KAZN: variants seen among roughly 807,000 people sequenced by gnomAD.
KAZN encodes the protein kazrin, periplakin interacting protein, also known as kazrin.
In KAZN, 40 loss-of-function variants were observed where a neutral mutation model predicts 87.4. The ratio of observed to expected loss-of-function variants is 0.46; its 90% CI spans 0.36 to 0.60. KAZN has a LOEUF of 0.60. Ranked by LOEUF, KAZN falls within the 20% of genes least tolerant of loss-of-function variation. The pLI is 0.00. For synonymous variants in KAZN, 466 were observed against 458.3 expected, an observed-to-expected ratio of 1.02 and a Z score of -0.22; for missense variants, 898 against 1,073.9, an observed-to-expected ratio of 0.84 and a Z score of 2.29.
intron 2 of KAZN, among the ~76,000 whole-genome samples, chr1:14,466,634 A>G (rs1411488891): frequency 6.7e-6 from 1 of 149,610 alleles, no homozygotes; most frequent in Non-Finnish European, 1.5e-5. Context: ...CATCCTGCAC[A>G]TGTACCCCAA....
intron 1 of KAZN, among the ~76,000 whole-genome samples, chr1:14,878,669 C>T (rs985253813): frequency 3.3e-5 from 5 of 152,176 alleles, no homozygotes; most frequent in Non-Finnish European, 7.3e-5. Flanking sequence ...AAAGGACATT[C>T]GGCCCTCAGC....
chr1:14,934,409 C>T (rs1660211801), intron 1 of KAZN, among the ~76,000 whole-genome samples: 1 of 151,066 alleles, frequency 6.6e-6, no homozygotes, highest in African/African-American at 2.4e-5. Flanking sequence ...GTTTCACCAT[C>T]TTGGCCAGAC....
intron 2 of KAZN, among the ~76,000 whole-genome samples, chr1:15,007,613 C>G (rs956515898): frequency 6.6e-6 from 1 of 152,188 alleles, no homozygotes; most frequent in African/African-American, 2.4e-5. Context: ...CCAGCCGACC[C>G]GTTGGGTAGT....
At chr1:15,035,857 G>A (rs900827299) in intron 3 of KAZN, among the ~76,000 whole-genome samples, 1 of 152,022 alleles carries the variant, frequency 6.6e-6, no homozygotes, top group Non-Finnish European at 1.5e-5. Context: ...CCCTGCGTAG[G>A]CACCTTGGTC....
chr1:15,095,955 T>C (rs2100689538), intron 10 of KAZN, among the ~76,000 whole-genome samples: 1 of 152,284 alleles, frequency 6.6e-6, no homozygotes, highest in East Asian at 1.9e-4. Flanking sequence ...CCAGGCCTCA[T>C]TGGCACCATC....
chr1:14,955,416 T>C (rs1244435106), intron 1 of KAZN, among the ~76,000 whole-genome samples: 3 of 152,218 alleles, frequency 2.0e-5, no homozygotes, highest in Non-Finnish European at 4.4e-5. Flanking sequence ...GAGCTTAGGC[T>C]GAGATTGCAG....
intron 13 of KAZN, among the ~76,000 whole-genome samples, chr1:15,110,888 CTTAT>C (rs1352808002): frequency 6.6e-6 from 1 of 152,354 alleles, no homozygotes; most frequent in East Asian, 1.9e-4. Flanking sequence ...CTCTCCCAGG[CTTAT>C]TTGACTGCTA....
intron 2 of KAZN, among the ~76,000 whole-genome samples, chr1:14,576,694 TTAGGCTCTGTCTAGACACCTCTCTAAA>T (rs1675208024): frequency 6.6e-6 from 1 of 152,234 alleles, no homozygotes; most frequent in African/African-American, 2.4e-5. Flanking sequence ...AGTTCCTATT[TTAGGCTCTGTCTAGACACCTCTCTAAA>T]TAGGAACTTT....
intron 2 of KAZN, among the ~76,000 whole-genome samples, chr1:15,015,921 G>A (rs963823091): frequency 6.6e-6 from 1 of 152,152 alleles, no homozygotes; most frequent in Non-Finnish European, 1.5e-5. Flanking sequence ...GTGATCGGAG[G>A]GCAGGGCGCC....
intron 2 of KAZN, among the ~76,000 whole-genome samples, chr1:14,993,674 T>C (rs1667582407): frequency 6.6e-6 from 1 of 152,118 alleles, no homozygotes; most frequent in African/African-American, 2.4e-5. Flanking sequence ...CCCTGGAGGC[T>C]TCACCCTGAG....
chr1:14,544,798 G>A (rs1673040408), intron 2 of KAZN, among the ~76,000 whole-genome samples: 1 of 151,368 alleles, frequency 6.6e-6, no homozygotes, highest in African/African-American at 2.4e-5. Flanking sequence ...TCAAACTCCT[G>A]GGCTTGAGTG....
chr1:15,049,099 GCC>G lies in KAZN; in HGVS notation c.726+4941_726+4942del, dbSNP rs386628767. On this transcript the variant is annotated intron_variant, in intron 4 of 14. Coordinates refer to ENST00000376030, the MANE Select transcript of KAZN (RefSeq NM_201628.3). ...CTGTACTCCATGGGGTGACGGCTTT[GCC>G]GGGAGGCTTTTGACGGGAGTCCAGC... is the stretch of plus-strand genomic sequence containing the variant. Among the ~76,000 whole-genome samples, 399 of 128,294 alleles carry G rather than the reference GCC, an allele frequency of 3.1e-3. 1 individual carries two copies. Among genetic ancestry groups the G allele is most frequent in the African/African-American group, 0.013 (358 of 27,898 alleles). The allele number at this position is 128,294 out of a possible 152,430, so 84.2% of individuals were successfully genotyped here. A position where few individuals can be genotyped will look rare whatever the true frequency, so the allele number is the denominator to read the frequency against.
At chr1:13,896,705 G>C (rs1396692394) in intron 1 of KAZN, among the ~76,000 whole-genome samples, 1 of 152,200 alleles carries the variant, frequency 6.6e-6, no homozygotes, top group African/African-American at 2.4e-5. Flanking sequence ...CTGATGCTCA[G>C]GCCTTTGCCT....
At chr1:14,661,821 C>T (rs368724507) in intron 1 of KAZN, among the ~76,000 whole-genome samples, 5 of 152,162 alleles carry the variant, frequency 3.3e-5, no homozygotes, top group East Asian at 1.9e-4. Context: ...GTGGCTGAGG[C>T]GTGAGGATCA....
At chr1:14,360,159 G>T (rs1302996684) in intron 2 of KAZN, among the ~76,000 whole-genome samples, 2 of 151,696 alleles carry the variant, frequency 1.3e-5, no homozygotes, top group African/African-American at 4.8e-5. Flanking sequence ...TTTTTCTCTA[G>T]TCTTGTCTTC....
rs140353170 is a variant in KAZN, at chr1:14,819,275, G to A, written c.227-141409G>A. Among the ~76,000 whole-genome samples the A allele has an allele frequency of 3.2e-3, 487 of 152,248 alleles. 1 individual carries two copies. The highest frequency in any genetic ancestry group is 6.8e-3 in the Middle Eastern group (2 of 294). ...GGATCCCAGAAAAAGCCAAATCCTC[G>A]AGCTTCAAGAAGAGCTGGAGCTAAC... On this transcript the variant is annotated intron_variant, in intron 1 of 14. Coordinates refer to ENST00000376030, the MANE Select transcript of KAZN (RefSeq NM_201628.3).
At chr1:14,564,944 C>G (rs1674467902) in intron 2 of KAZN, among the ~76,000 whole-genome samples, 1 of 152,164 alleles carries the variant, frequency 6.6e-6, no homozygotes, top group Non-Finnish European at 1.5e-5. Flanking sequence ...ATAACCAAGA[C>G]AGACACTATC....
upstream of KAZN, among the ~76,000 whole-genome samples, chr1:14,595,627 G>A (rs1323897946): frequency 2.1e-5 from 3 of 145,042 alleles, no homozygotes; most frequent in Non-Finnish European, 4.5e-5. Flanking sequence ...GTTGCAGTGA[G>A]CTGAGATGGC....
chr1:14,321,653 C>A, intron 2 of KAZN, among the ~76,000 whole-genome samples: 1 of 152,166 alleles, frequency 6.6e-6, no homozygotes, highest in Non-Finnish European at 1.5e-5. Flanking sequence ...ATAAAAGCAT[C>A]ATTCATTTCC....
Sources: allele counts gnomAD v4.1 joint callset (sites outside exome capture counted in the v4.1 genomes callset), GRCh38; gene constraint gnomAD v4.1.1; transcripts MANE v1.5; gene names NCBI Gene and HGNC (gene_info 2026-07-23, HGNC 2026-07-21).